The following NRG3 variants were observed in gnomAD, a reference collection of about 807,000 sequenced individuals.
NRG3 encodes the protein pro-neuregulin-3, membrane-bound isoform.
In NRG3, 31 loss-of-function variants were observed where a neutral mutation model predicts 66.9. That is an observed-to-expected ratio of 0.46 (90% CI 0.35 to 0.63). The LOEUF is 0.63. NRG3 is among the 20% of genes least tolerant of loss of function. NRG3 has a pLI of 0.00. For missense variants in NRG3, 910 were observed against 878.9 expected, an observed-to-expected ratio of 1.04 and a Z score of -0.45; for synonymous variants, 393 against 359.4, an observed-to-expected ratio of 1.09 and a Z score of -1.06.
intron 1 of NRG3, among the ~76,000 whole-genome samples, chr10:82,233,533 C>T (rs1015422289): frequency 1.3e-5 from 2 of 152,172 alleles, no homozygotes; most frequent in Non-Finnish European, 2.9e-5. Context: ...TTTTCCCTCA[C>T]TTTCTTTCTA....
chr10:82,516,098 T>C (rs369843508), intron 2 of NRG3, among the ~76,000 whole-genome samples: 11 of 152,258 alleles, frequency 7.2e-5, no homozygotes, highest in African/African-American at 1.9e-4. Flanking sequence ...AAGACTCTTT[T>C]GTAGCAGCAT....
chr10:82,261,200 T>C (rs188372442), intron 1 of NRG3, among the ~76,000 whole-genome samples: 14 of 152,118 alleles, frequency 9.2e-5, no homozygotes, highest in African/African-American at 3.4e-4. Context: ...ATGGGGGTGG[T>C]TTCCTCCATG....
At chr10:82,741,161 A>G (rs1389967150) in intron 3 of NRG3, among the ~76,000 whole-genome samples, 2 of 152,156 alleles carry the variant, frequency 1.3e-5, no homozygotes, top group African/African-American at 2.4e-5. Context: ...TCATCCATGC[A>G]CACGTGCATT....
At chr10:82,416,396 C>T (rs2088575881) in intron 2 of NRG3, among the ~76,000 whole-genome samples, 1 of 152,134 alleles carries the variant, frequency 6.6e-6, no homozygotes, top group South Asian at 2.1e-4. Context: ...CAAGAAATTA[C>T]AGTCCATTTG....
intron 2 of NRG3, among the ~76,000 whole-genome samples, chr10:82,420,850 C>T (rs1306663047): frequency 6.6e-6 from 1 of 152,124 alleles, no homozygotes; most frequent in Non-Finnish European, 1.5e-5. Context: ...TTGATATGTG[C>T]AATCTGGATA....
rs186336361 is a variant in NRG3, at chr10:82,543,302, T to C, written c.953+184434T>C. ...TCATATTAATGCCCTAATTTTGTCA[T>C]CATTTTGTAGAAATAATGCAATAAA... is the stretch of plus-strand genomic sequence containing the variant. On this transcript the variant is annotated intron_variant, in intron 2 of 8. Transcript: ENST00000372141. Among the ~76,000 whole-genome samples, 7 of 152,284 alleles carry C rather than the reference T, an allele frequency of 4.6e-5. No homozygotes were observed. In the East Asian group the frequency reaches 1.4e-3, roughly 29 times the overall value.
At chr10:82,070,764 G>A (rs902877514) in intron 1 of NRG3, among the ~76,000 whole-genome samples, 6 of 152,120 alleles carry the variant, frequency 3.9e-5, no homozygotes, top group African/African-American at 7.2e-5. Flanking sequence ...TCTTGTTGGT[G>A]TTCAAAGCCA....
intron 2 of NRG3, among the ~76,000 whole-genome samples, chr10:82,481,340 G>A (rs1024520209): frequency 1.3e-5 from 2 of 152,004 alleles, no homozygotes; most frequent in East Asian, 1.9e-4. Context: ...TATTTGTACC[G>A]TGAACTCATA....
chr10:82,386,928 T>C (rs1023378059), intron 2 of NRG3, among the ~76,000 whole-genome samples: 4 of 152,086 alleles, frequency 2.6e-5, no homozygotes, highest in African/African-American at 9.7e-5. Context: ...GCCTCTGGAG[T>C]AGCTGGGTTT....
intron 2 of NRG3, among the ~76,000 whole-genome samples, chr10:82,455,561 T>C (rs987421397): frequency 6.6e-6 from 1 of 151,872 alleles, no homozygotes; most frequent in Admixed American, 6.6e-5. Context: ...AAGGCCTGTT[T>C]ACTGTACACT....
chr10:82,070,143 C>T (rs542204385), intron 1 of NRG3, among the ~76,000 whole-genome samples: 266 of 152,266 alleles, frequency 1.7e-3, no homozygotes, highest in Non-Finnish European at 3.2e-3. Context: ...CAGCTGCTTT[C>T]AAATTCCTTG....
intron 6 of NRG3, among the ~76,000 whole-genome samples, chr10:82,972,882 T>C (rs1054713525): frequency 1.3e-5 from 2 of 152,150 alleles, no homozygotes; most frequent in Admixed American, 6.5e-5. Context: ...AAAAAAAAGG[T>C]ATACTGAGTT....
intron 4 of NRG3, among the ~76,000 whole-genome samples, chr10:82,911,051 A>C (rs1373590775): frequency 6.6e-6 from 1 of 152,232 alleles, no homozygotes; most frequent in African/African-American, 2.4e-5. Context: ...GTCATTCTTT[A>C]AATAGGGTAG....
At chr10:82,373,420 G>A (rs182136348) in intron 2 of NRG3, among the ~76,000 whole-genome samples, 8 of 152,336 alleles carry the variant, frequency 5.3e-5, no homozygotes, top group Non-Finnish European at 2.9e-5. Flanking sequence ...GCAATGCCAA[G>A]AGGCCAGTGT....
chr10:82,067,916 A>C (rs2064578339), intron 1 of NRG3, among the ~76,000 whole-genome samples: 2 of 152,204 alleles, frequency 1.3e-5, no homozygotes, highest in Non-Finnish European at 2.9e-5. Flanking sequence ...AACAAAAATC[A>C]AGTTTATAAT....
intron 2 of NRG3, among the ~76,000 whole-genome samples, chr10:82,513,287 C>T (rs1466831014): frequency 1.3e-5 from 2 of 152,206 alleles, no homozygotes; most frequent in African/African-American, 4.8e-5. Context: ...GACATGACTT[C>T]ATTCCTTTTT....
intron 1 of NRG3, among the ~76,000 whole-genome samples, chr10:81,909,339 C>T (rs751203787): frequency 2.6e-5 from 4 of 152,244 alleles, no homozygotes; most frequent in African/African-American, 4.8e-5. Flanking sequence ...CAAATAAGAT[C>T]ACATTCACAG....
intron 4 of NRG3, among the ~76,000 whole-genome samples, chr10:82,935,248 C>G (rs191484889): frequency 6.6e-6 from 1 of 152,236 alleles, no homozygotes; most frequent in Admixed American, 6.5e-5. Flanking sequence ...TGGGGAAGAA[C>G]GAGATCGTCT....
At chr10:82,519,862 G>T (rs1214625233) in intron 2 of NRG3, among the ~76,000 whole-genome samples, 2 of 152,096 alleles carry the variant, frequency 1.3e-5, no homozygotes, top group African/African-American at 4.8e-5. Flanking sequence ...AGTTTATACA[G>T]TTGAAAACAT....
Sources: gnomAD v4.1 joint callset for allele counts (sites outside exome capture counted in the v4.1 genomes callset) on GRCh38, gnomAD v4.1.1 for gene constraint, MANE v1.5 for transcripts, NCBI Gene and HGNC (gene_info 2026-07-23, HGNC 2026-07-21) for gene names.